Variants in CDH13 observed in about 807,000 individuals in gnomAD.
The protein encoded by CDH13 is cadherin 13.
Under a neutral mutation model 63.8 loss-of-function variants are expected in CDH13, and 24 were observed. The observed-to-expected ratio is 0.38, with a 90% CI of 0.27 to 0.53. The LOEUF is 0.53. CDH13 is among the 20% of genes least tolerant of loss of function. The pLI is 0.85. For synonymous variants in CDH13, 503 were observed against 355.3 expected (o/e 1.42, Z -4.67); for missense variants, 1,049 against 903.1 (o/e 1.16, Z -2.07).
chr16:82,823,281 GAGA>G (rs2038090476), intron 1 of CDH13: 1 of 152,090 alleles, frequency 6.6e-6, no homozygotes, highest in South Asian at 2.1e-4. Context: ...ACCTCCTAGT[GAGA>G]AGATGATAAG....
intron 2 of CDH13, among the ~76,000 whole-genome samples, chr16:83,010,669 A>T (rs998190588): frequency 1.3e-5 from 2 of 152,184 alleles, no homozygotes; most frequent in Non-Finnish European, 2.9e-5. Context: ...AACAGGGCTG[A>T]TGAAGTCCCT....
At chr16:83,295,825 C>G (rs148993036) in intron 5 of CDH13, among the ~76,000 whole-genome samples, 1 of 152,044 alleles carries the variant, frequency 6.6e-6, no homozygotes, top group Non-Finnish European at 1.5e-5. Flanking sequence ...GGTTATATAT[C>G]CAAAGAAAAT....
At chr16:83,524,193 C>A (rs1189424657) in intron 7 of CDH13, among the ~76,000 whole-genome samples, 1 of 152,036 alleles carries the variant, frequency 6.6e-6, no homozygotes, top group Admixed American at 6.5e-5. Flanking sequence ...AGAGAATTTG[C>A]AGTTAAGAGA....
intron 5 of CDH13, among the ~76,000 whole-genome samples, chr16:83,320,065 G>T (rs779749374): frequency 1.5e-4 from 23 of 152,076 alleles, no homozygotes; most frequent in Non-Finnish European, 3.2e-4. Flanking sequence ...TATGAGACAG[G>T]GTCTCATTCT....
At chr16:82,869,033 G>A (rs373884460) in intron 2 of CDH13, among the ~76,000 whole-genome samples, 1 of 152,152 alleles carries the variant, frequency 6.6e-6, no homozygotes, top group East Asian at 1.9e-4. Context: ...TGTGATAACT[G>A]CTACATTGTG....
In CDH13 at chr16:82,645,368, G is replaced by A. The variant is rs531463272; in HGVS notation, c.45+18231G>A. Among the ~76,000 whole-genome samples the A allele has an allele frequency of 4.1e-4, 62 of 152,282 alleles. 1 individual carries two copies. The highest frequency in any genetic ancestry group is 1.0e-3 in the Admixed American group (16 of 15,300). Reference sequence around the variant, plus strand: ...TTGCTGATCCTTCTGACGTCTATCCGTGGTGCTTGTTTCTGAAGTGTAGTC... The same window carrying A: ...TTGCTGATCCTTCTGACGTCTATCCATGGTGCTTGTTTCTGAAGTGTAGTC... On this transcript the variant is annotated intron_variant, in intron 1 of 13. Coordinates refer to ENST00000567109, the MANE Select transcript of CDH13 (RefSeq NM_001257.5).
chr16:82,777,891 A>C (rs866795121), intron 1 of CDH13, among the ~76,000 whole-genome samples: 60 of 152,196 alleles, frequency 3.9e-4, no homozygotes, highest in African/African-American at 1.3e-3. Flanking sequence ...TCCAGAGGGA[A>C]GCTCACAACA....
At chr16:83,347,123 A>G (rs2090855828) in intron 6 of CDH13, among the ~76,000 whole-genome samples, 1 of 152,222 alleles carries the variant, frequency 6.6e-6, no homozygotes, top group South Asian at 2.1e-4. Flanking sequence ...TGCAGGCAAG[A>G]TGGCCCCCGA....
At chr16:83,764,272 A>T (rs1009293108) in intron 11 of CDH13, among the ~76,000 whole-genome samples, 8 of 152,158 alleles carry the variant, frequency 5.3e-5, no homozygotes, top group Admixed American at 3.9e-4. Context: ...TTGGACAAGG[A>T]TGCTAAATCC....
intron 2 of CDH13, among the ~76,000 whole-genome samples, chr16:82,901,350 G>A (rs1378814367): frequency 2.7e-5 from 4 of 149,750 alleles, no homozygotes; most frequent in African/African-American, 4.9e-5. Context: ...GTGTGTGTGT[G>A]TGTGTGTGTG....
chr16:82,863,696 A>G (rs139863065), intron 2 of CDH13, among the ~76,000 whole-genome samples: 1,535 of 152,300 alleles, frequency 0.01, 31 homozygotes, highest in African/African-American at 0.035. Context: ...TATTATTATC[A>G]TTACTTTCAT....
At chr16:83,491,876 C>A (rs1036072885) in intron 7 of CDH13, among the ~76,000 whole-genome samples, 2 of 151,996 alleles carry the variant, frequency 1.3e-5, no homozygotes, top group Non-Finnish European at 2.9e-5. Flanking sequence ...AATTTTTAGG[C>A]CAGATGTAAA....
chr16:83,312,363 C>T (rs1168140861), intron 5 of CDH13, among the ~76,000 whole-genome samples: 1 of 152,158 alleles, frequency 6.6e-6, no homozygotes, highest in Admixed American at 6.5e-5. Context: ...CCATATTTTG[C>T]AAATCTAAAA....
At chr16:82,985,292 T>C (rs1910795198) in intron 2 of CDH13, among the ~76,000 whole-genome samples, 1 of 152,156 alleles carries the variant, frequency 6.6e-6, no homozygotes, top group South Asian at 2.1e-4. Flanking sequence ...GGCATCTCTA[T>C]TATAGCAAAA....
intron 10 of CDH13, among the ~76,000 whole-genome samples, chr16:83,727,846 A>G (rs536951864): frequency 2.0e-5 from 3 of 152,206 alleles, no homozygotes. Context: ...GGGAGTGAAC[A>G]GGGGCGTTGG....
chr16:82,662,129 C>A (rs759761737), intron 1 of CDH13, among the ~76,000 whole-genome samples: 6 of 150,210 alleles, frequency 4.0e-5, no homozygotes, highest in Non-Finnish European at 1.5e-5. Flanking sequence ...TCTCCATATT[C>A]TCAATGAAGT....
chr16:83,294,348 A>T (rs74031984), intron 5 of CDH13, among the ~76,000 whole-genome samples: 1 of 152,034 alleles, frequency 6.6e-6, no homozygotes, highest in Non-Finnish European at 1.5e-5. Flanking sequence ...TTCCTATCCA[A>T]TTGAAATGTT....
At chr16:83,049,688 A>T (rs1246696961) in intron 3 of CDH13, among the ~76,000 whole-genome samples, 3 of 152,018 alleles carry the variant, frequency 2.0e-5, no homozygotes, top group Admixed American at 6.6e-5. Flanking sequence ...TCACTACTTC[A>T]TTCCTTTTTA....
chr16:83,365,674 T>C (rs927223792), intron 6 of CDH13, among the ~76,000 whole-genome samples: 1 of 152,100 alleles, frequency 6.6e-6, no homozygotes, highest in Non-Finnish European at 1.5e-5. Context: ...GGTAATCACA[T>C]GGGCCCTTTA....
Sources: allele counts gnomAD v4.1 joint callset (sites outside exome capture counted in the v4.1 genomes callset), GRCh38; gene constraint gnomAD v4.1.1; transcripts MANE v1.5; gene names NCBI Gene and HGNC (gene_info 2026-07-23, HGNC 2026-07-21).